Variants in CTIF observed in about 807,000 individuals in gnomAD.
The protein encoded by CTIF is CBP80/20-dependent translation initiation factor.
Under a neutral mutation model 66.0 loss-of-function variants are expected in CTIF, and 21 were observed. The observed-to-expected ratio is 0.32, with a 90% CI of 0.23 to 0.46. The LOEUF (loss-of-function observed/expected upper bound fraction) is 0.46. Among genes scored for constraint, CTIF ranks in the 20% least tolerant of loss-of-function variants. The pLI is 1.00. For missense variants in CTIF, 739 were observed against 812.7 expected, an observed-to-expected ratio of 0.91 and a Z score of 1.10; for synonymous variants, 345 against 326.4, an observed-to-expected ratio of 1.06 and a Z score of -0.62.
At chr18:48,774,371 G>A (rs1379327686) in intron 9 of CTIF, among the ~76,000 whole-genome samples, 2 of 152,078 alleles carry the variant, frequency 1.3e-5, no homozygotes, top group African/African-American at 4.8e-5. Flanking sequence ...CCTGTACACC[G>A]CCAGAGTGCC....
intron 1 of CTIF, among the ~76,000 whole-genome samples, chr18:48,552,526 A>T (rs890610903): frequency 6.6e-6 from 1 of 152,152 alleles, no homozygotes; most frequent in Non-Finnish European, 1.5e-5. Context: ...CATAGATTGC[A>T]CCGTCTCACT....
chr18:48,785,296 C>T (rs921751832), intron 9 of CTIF, among the ~76,000 whole-genome samples: 3 of 152,212 alleles, frequency 2.0e-5, no homozygotes, highest in Admixed American at 1.3e-4. Context: ...GCTGTGGTTG[C>T]TCTAAGTGGC....
At position 48,712,054 on chromosome 18, in the gene CTIF, G is replaced by T. The variant is rs545431893; in HGVS notation, c.584+359G>T. 2.0e-5 allele frequency among the ~76,000 whole-genome samples: 3 copies of T among 152,278 alleles called. No individual in the cohort carries two copies. In the South Asian group the frequency reaches 6.2e-4, roughly 32 times the overall value. ...GGTCCTCAGAAAATAGGACTGGCTG[G>T]CTGTGTGTTTTGAGACATGGCCTCC... On this transcript the variant is annotated intron_variant, in intron 7 of 11. Transcript: ENST00000256413.
At chr18:48,836,325 C>T (rs908835685) in intron 10 of CTIF, among the ~76,000 whole-genome samples, 1 of 152,174 alleles carries the variant, frequency 6.6e-6, no homozygotes, top group African/African-American at 2.4e-5. Flanking sequence ...CCTTCAGGGT[C>T]CCCATGCTCA....
chr18:48,771,001 C>A (rs926970258), intron 9 of CTIF, among the ~76,000 whole-genome samples: 3 of 152,146 alleles, frequency 2.0e-5, no homozygotes, highest in East Asian at 1.9e-4. Context: ...CATTTCCCCC[C>A]CCTACGCTGA....
chr18:48,559,177 A>G (rs1236375419), intron 1 of CTIF, among the ~76,000 whole-genome samples: 1 of 151,918 alleles, frequency 6.6e-6, no homozygotes, highest in East Asian at 1.9e-4. Flanking sequence ...CTCATTGTCA[A>G]ATTTGTTTAT....
intron 5 of CTIF, among the ~76,000 whole-genome samples, chr18:48,668,535 CTT>C (rs1211297311): frequency 2.0e-5 from 3 of 152,152 alleles, no homozygotes; most frequent in Non-Finnish European, 4.4e-5. Context: ...CCGGGGGAAA[CTT>C]TTTCTTTTCC....
In CTIF at chr18:48,761,635, G is replaced by C; in HGVS notation, c.1317G>C (p.Ala439=). The change falls in exon 9 of 12, where the codon GCG becomes GCC. Residue 439 remains alanine (A), a synonymous_variant. Coordinates refer to ENST00000256413, the MANE Select transcript of CTIF (RefSeq NM_014772.3). The surrounding 1 kb of genome is among the most constrained non-coding windows in gnomAD (Gnocchi z 4.2). The part of the protein sequence containing the change: ...FTAAKLCDKM[A]LFMVEGTKFR... Reference sequence around the variant, plus strand: ...CTGCCAAGCTCTGCGACAAGATGGCGCTCTTTATGGTGGAGGGGACCAAGT... The same window carrying C: ...CTGCCAAGCTCTGCGACAAGATGGCCCTCTTTATGGTGGAGGGGACCAAGT... 1 of 1,614,052 alleles carries C rather than the reference G, an allele frequency of 6.2e-7. No individual in the cohort carries two copies. Among genetic ancestry groups the C allele is most frequent in the Non-Finnish European group, 8.5e-7 (1 of 1,179,968 alleles).
chr18:48,783,393 C>T (rs574554817), intron 9 of CTIF, among the ~76,000 whole-genome samples: 3 of 152,072 alleles, frequency 2.0e-5, no homozygotes, highest in South Asian at 4.2e-4. Flanking sequence ...TATGATATGA[C>T]GGATGAAGCT....
chr18:48,664,679 T>C (rs2091405914), intron 5 of CTIF, 128 bp downstream of exon 5: 2 of 731,372 alleles, frequency 2.7e-6, no homozygotes, highest in African/African-American at 1.8e-5. Context: ...ATGCTCTTCT[T>C]ATGCGTCCCA....
chr18:48,631,322 C>G (rs374735617), intron 2 of CTIF, among the ~76,000 whole-genome samples: 1 of 152,082 alleles, frequency 6.6e-6, no homozygotes, highest in Non-Finnish European at 1.5e-5. Flanking sequence ...AAAAATTAAC[C>G]GGGTGTGGTG....
chr18:48,626,205 T>C (rs1056103596), intron 2 of CTIF, among the ~76,000 whole-genome samples: 1 of 151,998 alleles, frequency 6.6e-6, no homozygotes, highest in Non-Finnish European at 1.5e-5. Flanking sequence ...TTTCACCATA[T>C]TGATCAGGTT....
intron 3 of CTIF, among the ~76,000 whole-genome samples, chr18:48,654,323 A>G (rs918702724): frequency 1.9e-4 from 29 of 152,238 alleles, no homozygotes; most frequent in African/African-American, 6.5e-4. Context: ...GGATATGAAC[A>G]GACGCTTCTC....
At chr18:48,791,937 G>A (rs1169620710) in intron 9 of CTIF, among the ~76,000 whole-genome samples, 1 of 152,086 alleles carries the variant, frequency 6.6e-6, no homozygotes, top group Non-Finnish European at 1.5e-5. Context: ...AACACTCCAT[G>A]AATTCAAGGC....
At chr18:48,696,567 C>T (rs1163935387) in intron 6 of CTIF, among the ~76,000 whole-genome samples, 1 of 152,238 alleles carries the variant, frequency 6.6e-6, no homozygotes, top group African/African-American at 2.4e-5. Context: ...CACTTGGACC[C>T]TTCTCTTTGC....
chr18:48,552,615 C>G lies in CTIF; in HGVS notation c.-29+13303C>G, dbSNP rs111440119. Reference sequence around the variant, plus strand: ...GGGCACTAACCTCATTCATGAGGCTCTGCCCTCATGACCTAATTGCCTCCT... The same window carrying G: ...GGGCACTAACCTCATTCATGAGGCTGTGCCCTCATGACCTAATTGCCTCCT... On this transcript the variant is annotated intron_variant, in intron 1 of 11. Transcript: ENST00000256413. 2.6e-5 allele frequency among the ~76,000 whole-genome samples: 4 copies of G among 152,162 alleles called. No homozygotes were observed. The South Asian group carries it at 6.2e-4, about 24-fold the overall frequency.
At chr18:48,697,108 A>G (rs1163835385) in intron 6 of CTIF, among the ~76,000 whole-genome samples, 1 of 152,208 alleles carries the variant, frequency 6.6e-6, no homozygotes, top group Admixed American at 6.5e-5. Flanking sequence ...TGGGCCACCA[A>G]TGAATGCTCT....
intron 10 of CTIF, among the ~76,000 whole-genome samples, chr18:48,831,078 AG>A (rs1159776474): frequency 6.6e-6 from 1 of 152,218 alleles, no homozygotes; most frequent in Non-Finnish European, 1.5e-5. Context: ...GAACCCTTGA[AG>A]GGGCAATGTG....
chr18:48,677,136 A>G lies in CTIF; in HGVS notation c.507+6392A>G, dbSNP rs971313775. Among the ~76,000 whole-genome samples the G allele has an allele frequency of 2.6e-5, 4 of 152,066 alleles. No homozygotes were observed. In the East Asian group the frequency reaches 7.8e-4, roughly 30 times the overall value. ...TTAGCTGTTGCCAAGTCTTCTGGAA[A>G]CTTCTAGGACATGCTAACTCACAGG... On this transcript the variant is annotated intron_variant, in intron 6 of 11. Transcript: ENST00000256413.
Sources: allele counts gnomAD v4.1 joint callset (sites outside exome capture counted in the v4.1 genomes callset), GRCh38; gene constraint gnomAD v4.1.1; non-coding constraint Gnocchi (gnomAD v3.1); transcripts MANE v1.5; gene names NCBI Gene and HGNC (gene_info 2026-07-23, HGNC 2026-07-21).